Variants in COG5 observed in about 807,000 individuals in gnomAD.
COG5 encodes the protein conserved oligomeric Golgi complex subunit 5.
COG5 carries 86 observed loss-of-function variants against 110.4 expected under a neutral mutation model. The ratio of observed to expected loss-of-function variants is 0.78; its 90% CI spans 0.65 to 0.93. The LOEUF is 0.93. Among genes scored for constraint, COG5 ranks in the 40% least tolerant of loss-of-function variants. The pLI is 0.00. For missense variants in COG5, 1,077 were observed against 987.0 expected, an observed-to-expected ratio of 1.09 and a Z score of -1.22; for synonymous variants, 360 against 334.6, an observed-to-expected ratio of 1.08 and a Z score of -0.83.
chr7:107,386,408 T>A (rs1317398737), intron 7 of COG5, among the ~76,000 whole-genome samples: 2 of 152,126 alleles, frequency 1.3e-5, no homozygotes, highest in African/African-American at 2.4e-5. Context: ...TGTCGTTGGG[T>A]CAGGGTCTGC....
intron 6 of COG5, among the ~76,000 whole-genome samples, chr7:107,418,168 C>T (rs1000887866): frequency 4.5e-4 from 68 of 150,092 alleles, no homozygotes; most frequent in Non-Finnish European, 1.0e-4. Context: ...GGAAAGATGC[C>T]TTTTTTTGAT....
chr7:107,499,213 T>C (rs1266241079), intron 6 of COG5, among the ~76,000 whole-genome samples: 4 of 152,172 alleles, frequency 2.6e-5, no homozygotes, highest in Non-Finnish European at 5.9e-5. Flanking sequence ...AAGTAAGTTC[T>C]AGAGATCTGC....
intron 6 of COG5, among the ~76,000 whole-genome samples, chr7:107,458,863 A>G (rs1295703458): frequency 6.6e-6 from 1 of 152,026 alleles, no homozygotes; most frequent in Non-Finnish European, 1.5e-5. Context: ...CATGTATTTC[A>G]TGTACATTAT....
rs1267386660 is a variant in COG5 at position 107,298,164 on chromosome 7, T to C, written c.1291A>G (p.Ile431Val). The change falls in exon 12 of 22, where the codon ATA becomes GTA. Residue 431 changes from isoleucine (I) to valine (V), a missense_variant. Coordinates refer to ENST00000297135, the MANE Select transcript of COG5 (RefSeq NM_006348.5). The stretch of plus-strand genomic sequence containing the variant: ...TACTCATAATCTGGCTTTTTTGGTA[T>C]GAATATATCTTGTGCATCATCTTCC... ...HMEDDAQDIF[I>V]PKKPDYDPEK... 1 of 1,583,602 alleles carries C rather than the reference T, an allele frequency of 6.3e-7. No homozygotes were observed. Among genetic ancestry groups the C allele is most frequent in the Non-Finnish European group, 8.6e-7 (1 of 1,163,652 alleles).
intron 6 of COG5, among the ~76,000 whole-genome samples, chr7:107,442,855 T>C (rs1450234200): frequency 6.6e-6 from 1 of 152,148 alleles, no homozygotes; most frequent in South Asian, 2.1e-4. Context: ...CAGTCTGGAA[T>C]CTACTGTAAT....
chr7:107,364,723 C>T (rs1045599004), intron 8 of COG5, among the ~76,000 whole-genome samples: 7 of 152,120 alleles, frequency 4.6e-5, no homozygotes, highest in Admixed American at 1.3e-4. Flanking sequence ...AACTACCTCA[C>T]TGTAGTTTTT....
chr7:107,383,924 A>G (rs1191420188), intron 7 of COG5, among the ~76,000 whole-genome samples: 2 of 152,200 alleles, frequency 1.3e-5, no homozygotes, highest in African/African-American at 4.8e-5. Flanking sequence ...GGTTAAGCTC[A>G]GGGGAAGAGA....
chr7:107,356,521 G>A lies in COG5; in HGVS notation c.1026+5512C>T, dbSNP rs555544443. ...TTGAAACCAGCCTGGGCAATACAGT[G>A]AGACCCTGACTCATAATAAATAAAA... On this transcript the variant is annotated intron_variant, in intron 10 of 21. Coordinates refer to ENST00000297135, the MANE Select transcript of COG5 (RefSeq NM_006348.5). Among the ~76,000 whole-genome samples, 4 of 152,120 alleles carry A rather than the reference G, an allele frequency of 2.6e-5. No homozygotes were observed. In the East Asian group the frequency reaches 7.7e-4, roughly 29 times the overall value.
intron 8 of COG5, among the ~76,000 whole-genome samples, chr7:107,366,862 T>G (rs960334646): frequency 1.3e-5 from 2 of 152,114 alleles, no homozygotes; most frequent in African/African-American, 2.4e-5. Context: ...TGGCTCAGTC[T>G]CTTCCTTTCT....
chr7:107,475,038 G>T, intron 6 of COG5: 1 of 1,612,854 alleles, frequency 6.2e-7, no homozygotes. Context: ...TTCTCTGCTG[G>T]ACACCAATTT....
intron 12 of COG5, among the ~76,000 whole-genome samples, chr7:107,286,063 A>C (rs1393955558): frequency 6.6e-6 from 1 of 152,132 alleles, no homozygotes. Flanking sequence ...GGATGAGGCA[A>C]AGGAAGGCTT....
chr7:107,518,037 T>C (rs1800062430), intron 6 of COG5, among the ~76,000 whole-genome samples: 1 of 152,096 alleles, frequency 6.6e-6, no homozygotes, highest in Admixed American at 6.6e-5. Context: ...CAGAATTTCA[T>C]ATCCAGCCAA....
chr7:107,546,311 GAACA>G (rs1386053065), intron 5 of COG5, among the ~76,000 whole-genome samples: 7 of 149,540 alleles, frequency 4.7e-5, no homozygotes, highest in South Asian at 2.1e-4. Context: ...ACTAGAAAAA[GAACA>G]AACAAAGCCC....
At chr7:107,354,512 A>C (rs906355280) in intron 10 of COG5, among the ~76,000 whole-genome samples, 2 of 152,070 alleles carry the variant, frequency 1.3e-5, no homozygotes, top group Non-Finnish European at 2.9e-5. Context: ...CTCCATCTCT[A>C]CTAAAAATAC....
rs7785165 is a variant in COG5 at position 107,515,381 on chromosome 7, C to A, written c.538+11856G>T. ...AGCCAAGAACATTAAAAAAAAGATA[C>A]AAAGTTTATCACGGTAACCTATACA... is the stretch of plus-strand genomic sequence containing the variant. On this transcript the variant is annotated intron_variant, in intron 6 of 21. Coordinates refer to ENST00000297135, the MANE Select transcript of COG5 (RefSeq NM_006348.5). 5.6e-3 allele frequency among the ~76,000 whole-genome samples: 844 copies of A among 152,046 alleles called. 8 individuals carry two copies. The highest frequency in any genetic ancestry group is 0.02 in the African/African-American group (812 of 41,486).
At chr7:107,553,062 G>T (rs1803043630) in intron 3 of COG5, among the ~76,000 whole-genome samples, 1 of 152,006 alleles carries the variant, frequency 6.6e-6, no homozygotes, top group Non-Finnish European at 1.5e-5. Context: ...CTAAACATTG[G>T]GTACTCATAG....
At chr7:107,529,813 C>G (rs991663302) in intron 5 of COG5, among the ~76,000 whole-genome samples, 1 of 152,152 alleles carries the variant, frequency 6.6e-6, no homozygotes, top group Non-Finnish European at 1.5e-5. Context: ...CCTTATGCCC[C>G]TCAGTCGAAT....
At chr7:107,218,805 A>G (rs1799699917) in intron 19 of COG5, among the ~76,000 whole-genome samples, 1 of 152,076 alleles carries the variant, frequency 6.6e-6, no homozygotes, top group Non-Finnish European at 1.5e-5. Flanking sequence ...CTGGTCTGGG[A>G]GGTAACTTTT....
intron 6 of COG5, among the ~76,000 whole-genome samples, chr7:107,424,103 T>C (rs1793475241): frequency 6.6e-6 from 1 of 151,710 alleles, no homozygotes; most frequent in African/African-American, 2.4e-5. Context: ...TGAAACCCCG[T>C]CTCTACTTGA....
Sources: gnomAD v4.1 joint callset for allele counts (sites outside exome capture counted in the v4.1 genomes callset) on GRCh38, gnomAD v4.1.1 for gene constraint, MANE v1.5 for transcripts, NCBI Gene and HGNC (gene_info 2026-07-23, HGNC 2026-07-21) for gene names.